YARS1: variants seen among roughly 807,000 people sequenced by gnomAD.
YARS1 encodes tyrosine--tRNA ligase, cytoplasmic.
Under a neutral mutation model 62.2 loss-of-function variants are expected in YARS1, and 36 were observed. The ratio of observed to expected loss-of-function variants is 0.58; its 90% CI spans 0.44 to 0.76. The LOEUF (loss-of-function observed/expected upper bound fraction) is 0.76. YARS1 is among the 30% of genes least tolerant of loss of function. YARS1 has a pLI of 0.00. For synonymous variants in YARS1, 234 were observed against 244.9 expected (o/e 0.96, Z 0.42); for missense variants, 524 against 639.8 (o/e 0.82, Z 1.95).
Position 32,797,812 on chromosome 1 carries a change from G to T in YARS1, c.542C>A (p.Ala181Asp), listed in dbSNP as rs1191925938. The change falls in exon 5 of 13, where the codon GCC becomes GAC. Residue 181 changes from alanine to aspartate, a missense_variant. Transcript: ENST00000373477. ...ALDEEYLKVD[A>D]QFGGIDQRKI... Reference sequence around the variant, plus strand: ...TCTCTGATCAATGCCTCCAAATTGGGCATCTACTTTTAAATACTCTTCATC... The same window carrying T: ...TCTCTGATCAATGCCTCCAAATTGGTCATCTACTTTTAAATACTCTTCATC... The T allele has an allele frequency of 6.2e-7, 1 of 1,614,024 alleles. No homozygotes were observed. The highest frequency in any genetic ancestry group is 8.5e-7 in the Non-Finnish European group (1 of 1,180,020).
At chr1:32,782,897 G>A (rs1653105942) in intron 8 of YARS1, 3 of 287,830 alleles carry the variant, frequency 1.0e-5, no homozygotes, top group Non-Finnish European at 2.0e-5. Context: ...TAACCTGAGG[G>A]AGACAGCTGA....
At chr1:32,801,035 GATT>G (rs1638277664) in intron 4 of YARS1, among the ~76,000 whole-genome samples, 1 of 152,062 alleles carries the variant, frequency 6.6e-6, no homozygotes, top group African/African-American at 2.4e-5. Context: ...CCTTTATTAA[GATT>G]ATGATAAAAA....
intron 6 of YARS1, 118 bp downstream of exon 6, chr1:32,791,044 G>T (rs881393): frequency 2.1e-6 from 2 of 952,630 alleles, no homozygotes; most frequent in Non-Finnish European, 3.4e-6. Context: ...ATGGTGTAAG[G>T]CTCCTTCTAA....
At chr1:32,798,400 T>A (rs1569748755) in intron 4 of YARS1, among the ~76,000 whole-genome samples, 1 of 152,188 alleles carries the variant, frequency 6.6e-6, no homozygotes, top group East Asian at 1.9e-4. Context: ...ATATGCAGAA[T>A]CCTGCAGGGA....
chr1:32,810,565 A>G (rs748640027), intron 3 of YARS1, 26 bp downstream of exon 3: 2 of 1,612,266 alleles, frequency 1.2e-6, no homozygotes, highest in Non-Finnish European at 1.7e-6. Context: ...CAGAGCCACA[A>G]GGAGGGTGGA....
At chr1:32,781,506 C>T (rs1022736430) in intron 9 of YARS1, 21 of 266,446 alleles carry the variant, frequency 7.9e-5, no homozygotes, top group Non-Finnish European at 1.4e-4. Context: ...ATTGCTTAAG[C>T]CCAGGACTTC....
Position 32,791,176 on chromosome 1 carries a change from T to C in YARS1, c.670A>G (p.Ser224Gly). Residue 224 changes from serine to glycine, a missense_variant, in exon 6 of 13, where the codon AGC becomes GGC. Transcript: ENST00000373477. ...MVPGLTGSKM[S>G]SSEEESKIDL... ...TGGCAACTTACCTCTTCTGAAGAGCTCATTTTGCTGCCTGTTAATCCTGGA... is the reference window on the plus strand; with the variant it reads ...TGGCAACTTACCTCTTCTGAAGAGCCCATTTTGCTGCCTGTTAATCCTGGA... 1 of 1,614,062 alleles carries C rather than the reference T, an allele frequency of 6.2e-7. No homozygotes were observed. The highest frequency in any genetic ancestry group is 8.5e-7 in the Non-Finnish European group (1 of 1,179,978).
chr1:32,807,095 T>C (rs1437427434), intron 3 of YARS1, among the ~76,000 whole-genome samples: 1 of 152,140 alleles, frequency 6.6e-6, no homozygotes, highest in African/African-American at 2.4e-5. Context: ...ACACCAACCA[T>C]ACCTCCTGAC....
At chr1:32,779,694 G>A (rs768069547) in intron 11 of YARS1, 171 bp from the exon 12 acceptor site, 2 of 827,576 alleles carry the variant, frequency 2.4e-6, no homozygotes, top group Non-Finnish European at 3.8e-6. Context: ...ATATCACCAG[G>A]GTTACATTAA....
chr1:32,781,034 T>C lies in YARS1; in HGVS notation c.1140+14A>G. 1 of 1,612,918 alleles carries C rather than the reference T, an allele frequency of 6.2e-7. No homozygotes were observed. The highest frequency in any genetic ancestry group is 1.7e-4 in the Middle Eastern group (1 of 6,060). On this transcript the variant is annotated intron_variant, in intron 10 of 12. Transcript: ENST00000373477. ...CCCAATCTGCCTCTCTGAGATGTGG[T>C]GAAAAATGAGTACCTTCTCCACAGT... is the stretch of plus-strand genomic sequence containing the variant.
intron 1 of YARS1, among the ~76,000 whole-genome samples, chr1:32,812,499 A>G (rs1638608333): frequency 6.6e-6 from 1 of 152,238 alleles, no homozygotes; most frequent in Non-Finnish European, 1.5e-5. Context: ...TTTCTTTGAC[A>G]TATTTTGAAA....
intron 4 of YARS1, among the ~76,000 whole-genome samples, chr1:32,798,763 C>T (rs1653684828): frequency 6.6e-6 from 1 of 152,148 alleles, no homozygotes; most frequent in Admixed American, 6.6e-5. Flanking sequence ...GTCGTGGCTG[C>T]GGTGAGCCAT....
chr1:32,805,060 G>A (rs1183990213), intron 4 of YARS1, among the ~76,000 whole-genome samples: 2 of 152,072 alleles, frequency 1.3e-5, no homozygotes, highest in South Asian at 2.1e-4. Flanking sequence ...GCGAAACCCC[G>A]TCTCCACCAA....
At chr1:32,803,965 G>A (rs1024597489) in intron 4 of YARS1, among the ~76,000 whole-genome samples, 3 of 152,088 alleles carry the variant, frequency 2.0e-5, no homozygotes, top group Non-Finnish European at 2.9e-5. Context: ...CTGCCTTCAA[G>A]CATCTGTTTA....
At chr1:32,800,340 A>C (rs993744740) in intron 4 of YARS1, among the ~76,000 whole-genome samples, 1 of 152,120 alleles carries the variant, frequency 6.6e-6, no homozygotes, top group Non-Finnish European at 1.5e-5. Context: ...TTATTTTCTC[A>C]TATCAAGCAT....
intron 5 of YARS1, 100 bp from the exon 6 acceptor site, chr1:32,791,354 AT>A: frequency 1.1e-6 from 1 of 911,598 alleles, no homozygotes; most frequent in South Asian, 1.3e-5. Context: ...TAGTTGTTAT[AT>A]TGCTTCCAAT....
chr1:32,811,443 G>A (rs893213154), intron 1 of YARS1: 2 of 333,354 alleles, frequency 6.0e-6, no homozygotes, highest in South Asian at 2.6e-5. Context: ...ATTACCCTAA[G>A]CCCCAGCATT....
rs116269609 is a variant in YARS1 at position 32,816,901 on chromosome 1, A to C, written c.57+287T>G. 6.4e-4 allele frequency: 366 copies of C among 573,546 alleles called. 2 individuals are homozygous for C. The highest frequency in any genetic ancestry group is 2.3e-3 in the Middle Eastern group (5 of 2,128). The allele number at this position is 573,546 out of a possible 1,614,324, so 35.5% of individuals were successfully genotyped here. On this transcript the variant is annotated intron_variant, in intron 1 of 12. Coordinates refer to ENST00000373477, the MANE Select transcript of YARS1 (RefSeq NM_003680.4). Reference sequence around the variant, plus strand: ...GACGTATCCCCAGCGACTAAGCACCACGTCTGGCACTTAATAGGGGGGTGG... The same window carrying C: ...GACGTATCCCCAGCGACTAAGCACCCCGTCTGGCACTTAATAGGGGGGTGG...
At chr1:32,795,580 G>A (rs1006513663) in intron 5 of YARS1, among the ~76,000 whole-genome samples, 4 of 152,040 alleles carry the variant, frequency 2.6e-5, no homozygotes, top group African/African-American at 4.8e-5. Flanking sequence ...GCCAAGGCGG[G>A]CAGATCATGA....
Sources: allele counts gnomAD v4.1 joint callset (sites outside exome capture counted in the v4.1 genomes callset), GRCh38; gene constraint gnomAD v4.1.1; transcripts MANE v1.5; gene names NCBI Gene and HGNC (gene_info 2026-07-23, HGNC 2026-07-21).